Variants in OR2H2 observed in about 807,000 individuals in gnomAD.
The protein encoded by OR2H2 is olfactory receptor 2H2.
For missense variants in OR2H2, 295 were observed against 313.7 expected, an observed-to-expected ratio of 0.94 and a Z score of 0.45; for synonymous variants, 146 against 132.4, an observed-to-expected ratio of 1.10 and a Z score of -0.71.
intron 1 of OR2H2, among the ~76,000 whole-genome samples, chr6:29,586,488 A>G: frequency 1.3e-5 from 2 of 148,706 alleles, no homozygotes; most frequent in Admixed American, 6.7e-5. Flanking sequence ...GTGACTCTAA[A>G]AAAAAAAAAA....
rs551847604 is a variant in OR2H2, at chr6:29,589,765, A to G, written c.*882A>G. 31 of 152,358 alleles carry G rather than the reference A, an allele frequency of 2.0e-4. No homozygotes were observed. The highest frequency in any genetic ancestry group is 7.0e-4 in the African/African-American group (29 of 41,592). The allele number at this position is 152,358 out of a possible 1,614,324, so 9.4% of individuals were successfully genotyped here. On this transcript the variant is annotated 3_prime_UTR_variant, in exon 2 of 2. Transcript: ENST00000641840. ...TGTAATTGTTATGTTAACCCAAGTAACACTTAAAGTACAGATGCTCCTTGA... is the reference window on the plus strand; with the variant it reads ...TGTAATTGTTATGTTAACCCAAGTAGCACTTAAAGTACAGATGCTCCTTGA...
At chr6:29,585,789 G>T (rs1181695564) in intron 1 of OR2H2, among the ~76,000 whole-genome samples, 1 of 152,116 alleles carries the variant, frequency 6.6e-6, no homozygotes, top group African/African-American at 2.4e-5. Context: ...AATAATGAGA[G>T]TGGAAAAGAC....
intron 1 of OR2H2, 166 bp from the exon 2 acceptor site, chr6:29,587,504 C>T (rs1271024890): frequency 6.1e-6 from 1 of 164,756 alleles, no homozygotes; most frequent in African/African-American, 2.4e-5. Context: ...CCTACAGAGA[C>T]AACTTATCAG....
intron 1 of OR2H2, among the ~76,000 whole-genome samples, chr6:29,586,272 C>T (rs1760245151): frequency 6.6e-6 from 1 of 152,240 alleles, no homozygotes; most frequent in East Asian, 1.9e-4. Flanking sequence ...AGGCAGATCA[C>T]CTGAGGTCAG....
In OR2H2 at chr6:29,585,252, T is replaced by A. The variant is rs1205173246; in HGVS notation, c.-374T>A. 3 of 152,206 alleles carry A rather than the reference T, an allele frequency of 2.0e-5. No homozygotes were observed. Among genetic ancestry groups the A allele is most frequent in the African/African-American group, 7.2e-5 (3 of 41,448 alleles). The allele number at this position is 152,206 out of a possible 1,614,324, so 9.4% of individuals were successfully genotyped here. ...CAAGGATGCCCATTCCTTTTTATTT[T>A]TTTGTTTCTTCCTGATGTACAAGTG... On this transcript the variant is annotated 5_prime_UTR_variant, in exon 1 of 2. Coordinates refer to ENST00000641840, the MANE Select transcript of OR2H2 (RefSeq NM_007160.4).
At position 29,588,557 on chromosome 6, in the gene OR2H2, T is replaced by C. The variant is rs1292548539; in HGVS notation, c.613T>C (p.Leu205=). The part of the protein sequence containing the change: ...IQVAVASVFI[L]VVPLSLILVS... ...GGTGGCTGTTGCCAGTGTCTTCATCTTGGTTGTGCCTCTCAGCCTCATCCT... is the reference window on the plus strand; with the variant it reads ...GGTGGCTGTTGCCAGTGTCTTCATCCTGGTTGTGCCTCTCAGCCTCATCCT... Residue 205 remains leucine, a synonymous_variant, in exon 2 of 2, where the codon TTG becomes CTG. Transcript: ENST00000641840. 4.1e-6 allele frequency: 4 copies of C among 977,182 alleles called. No individual in the cohort carries two copies. 60.5% of individuals were successfully genotyped at this position (977,182 alleles called of 1,614,324 possible).
intron 1 of OR2H2, among the ~76,000 whole-genome samples, chr6:29,585,561 G>T (rs1175079360): frequency 6.6e-6 from 1 of 152,200 alleles, no homozygotes; most frequent in Non-Finnish European, 1.5e-5. Context: ...GTCACTGTGA[G>T]AACCAGATGT....
chr6:29,588,286 A>T lies in OR2H2; in HGVS notation c.342A>T (p.Thr114=), dbSNP rs553057448. The T allele has an allele frequency of 6.2e-7, 1 of 1,607,334 alleles. No individual in the cohort carries two copies. The highest frequency in any genetic ancestry group is 1.1e-5 in the South Asian group (1 of 90,966). The change falls in exon 2 of 2, where the codon ACA becomes ACT. Residue 114 remains threonine, a synonymous_variant. Coordinates refer to ENST00000641840, the MANE Select transcript of OR2H2 (RefSeq NM_007160.4). ...SLGTTECILL[T]VMAFDRYVAV... Reference sequence around the variant, plus strand: ...GGACAACTGAGTGCATCCTCTTGACAGTGATGGCTTTTGATCGCTACGTGG... The same window carrying T: ...GGACAACTGAGTGCATCCTCTTGACTGTGATGGCTTTTGATCGCTACGTGG...
rs762443204 is a variant in OR2H2 at position 29,588,461 on chromosome 6, G to C, written c.517G>C (p.Asp173His). ...GCCCTTCTGCCCCGATCGGCAGGTGGATGATTTTGTCTGTGAGGTCCCAGC... is the reference window on the plus strand; with the variant it reads ...GCCCTTCTGCCCCGATCGGCAGGTGCATGATTTTGTCTGTGAGGTCCCAGC... The part of the protein sequence containing the change: ...HLPFCPDRQV[D>H]DFVCEVPALI... Residue 173 changes from aspartate to histidine, a missense_variant, in exon 2 of 2, where the codon GAT becomes CAT. Physicochemically the swap from Asp to His is moderately conservative, Grantham distance 81. Transcript: ENST00000641840. 7.8e-7 allele frequency: 1 copy of C among 1,282,852 alleles called. No homozygotes were observed. The highest frequency in any genetic ancestry group is 2.3e-5 in the East Asian group (1 of 43,362). The allele number at this position is 1,282,852 out of a possible 1,614,324, so 79.5% of individuals were successfully genotyped here. A position where few individuals can be genotyped will look rare whatever the true frequency, so the allele number is the denominator to read the frequency against.
rs1182538595 is a variant in OR2H2 at position 29,588,731 on chromosome 6, C to A, written c.787C>A (p.Pro263Thr). 1 of 1,451,150 alleles carries A rather than the reference C, an allele frequency of 6.9e-7. No individual in the cohort carries two copies. Among genetic ancestry groups the A allele is most frequent in the South Asian group, 1.1e-5 (1 of 87,586 alleles). The allele number at this position is 1,451,150 out of a possible 1,614,324, so 89.9% of individuals were successfully genotyped here. ...VIAVYLQPKNPYAQERGKFFG... is the reference protein window; with the variant it reads ...VIAVYLQPKNTYAQERGKFFG... Reference sequence around the variant, plus strand: ...TGCTGTCTACCTCCAGCCCAAAAATCCCTATGCCCAAGAGAGGGGCAAGTT... The same window carrying A: ...TGCTGTCTACCTCCAGCCCAAAAATACCTATGCCCAAGAGAGGGGCAAGTT... Residue 263 changes from proline (P) to threonine (T), a missense_variant, in exon 2 of 2, where the codon CCC (proline) becomes ACC (threonine). By Grantham distance (38) the Pro-to-Thr change is conservative. Transcript: ENST00000641840.
rs760888350 is a variant in OR2H2 at position 29,588,039 on chromosome 6, C to A, written c.95C>A (p.Ser32Tyr). The A allele has an allele frequency of 1.0e-6, 1 of 984,066 alleles. No homozygotes were observed. The highest frequency in any genetic ancestry group is 1.6e-5 in the African/African-American group (1 of 64,062). The allele number at this position is 984,066 out of a possible 1,614,324, so 61.0% of individuals were successfully genotyped here. A position where few individuals can be genotyped will look rare whatever the true frequency, so the allele number is the denominator to read the frequency against. The change falls in exon 2 of 2, where the codon TCC becomes TAC. Residue 32 changes from serine to tyrosine, a missense_variant. Transcript: ENST00000641840. The part of the protein sequence containing the change: ...ERTLFVVVLT[S>Y]YLLTLVGNTL... ...ACTCTCTTCGTGGTTGTCCTCACTT[C>A]CTACCTCCTAACCCTAGTGGGCAAC...
intron 1 of OR2H2, among the ~76,000 whole-genome samples, chr6:29,587,186 T>C (rs1432995208): frequency 2.0e-5 from 3 of 152,194 alleles, no homozygotes; most frequent in Non-Finnish European, 4.4e-5. Context: ...CTGTGAACCC[T>C]GGTGATTTTA....
chr6:29,587,009 CCCTGATATACCCAA>C (rs1760308246), intron 1 of OR2H2, among the ~76,000 whole-genome samples: 1 of 152,204 alleles, frequency 6.6e-6, no homozygotes, highest in African/African-American at 2.4e-5. Context: ...AGGAAGCTTT[CCCTGATATACCCAA>C]CCAAATTGGT....
Position 29,588,530 on chromosome 6 carries a change from C to T in OR2H2, c.586C>T (p.Gln196Ter), listed in dbSNP as rs781159580. Residue 196 changes from glutamine to a stop codon, truncating the protein, a stop_gained, in exon 2 of 2, where the codon CAG becomes TAG. Transcript: ENST00000641840. LOFTEE classifies it low-confidence loss of function (END_TRUNC). ...TGAAGACACCTCCTACAATGAGATC[C>T]AGGTGGCTGTTGCCAGTGTCTTCAT... Reference protein sequence around the residue: ...SCEDTSYNEIQVAVASVFILV... With the variant: ...SCEDTSYNEI The T allele has an allele frequency of 6.3e-6, 6 of 955,338 alleles. No homozygotes were observed. The highest frequency in any genetic ancestry group is 1.6e-5 in the African/African-American group (1 of 62,368). The allele number at this position is 955,338 out of a possible 1,614,324, so 59.2% of individuals were successfully genotyped here. A position where few individuals can be genotyped will look rare whatever the true frequency, so the allele number is the denominator to read the frequency against.
chr6:29,588,540 T>C lies in OR2H2; in HGVS notation c.596T>C (p.Val199Ala). ...DTSYNEIQVA[V>A]ASVFILVVPL... ...TCCTACAATGAGATCCAGGTGGCTG[T>C]TGCCAGTGTCTTCATCTTGGTTGTG... The change falls in exon 2 of 2, where the codon GTT (valine) becomes GCT (alanine). Residue 199 changes from valine to alanine, a missense_variant. Physicochemically the swap from Val to Ala is moderately conservative, Grantham distance 64. Transcript: ENST00000641840. The C allele has an allele frequency of 2.1e-6, 2 of 959,574 alleles. No individual in the cohort carries two copies. Among genetic ancestry groups the C allele is most frequent in the Non-Finnish European group, 3.4e-6 (2 of 582,568 alleles). 59.4% of individuals were successfully genotyped at this position (959,574 alleles called of 1,614,324 possible).
chr6:29,587,640 T>C (rs953351267), intron 1 of OR2H2, 30 bp from the exon 2 acceptor site: 9 of 353,128 alleles, frequency 2.5e-5, no homozygotes, highest in Non-Finnish European at 4.1e-5. Flanking sequence ...TTAGTGCATA[T>C]TTTAATCAGC....
At chr6:29,587,432 C>A (rs1760340354) in intron 1 of OR2H2, 1 of 153,130 alleles carries the variant, frequency 6.5e-6, no homozygotes, top group Non-Finnish European at 1.5e-5. Flanking sequence ...TGAAAAAATA[C>A]AAAATAAATG....
Position 29,588,925 on chromosome 6 carries a change from T to C in OR2H2, c.*42T>C, listed in dbSNP as rs1473255426. 8 of 755,202 alleles carry C rather than the reference T, an allele frequency of 1.1e-5. No individual in the cohort carries two copies. Among genetic ancestry groups the C allele is most frequent in the South Asian group, 5.7e-5 (4 of 70,320 alleles). The allele number at this position is 755,202 out of a possible 1,614,324, so 46.8% of individuals were successfully genotyped here. ...GTGCTTTAAAAGAGAGGAGATTCTA[T>C]GTGCTTTTATCAGAAAGTTTGAGTT... is the stretch of plus-strand genomic sequence containing the variant. On this transcript the variant is annotated 3_prime_UTR_variant, in exon 2 of 2. Transcript: ENST00000641840.
In OR2H2 at chr6:29,587,925, G is replaced by C. The variant is rs1232358283; in HGVS notation, c.-20G>C. On this transcript the variant is annotated 5_prime_UTR_variant, in exon 2 of 2. Transcript: ENST00000641840. ...CTGGAGTGACAGCCTCATCCCTCCA[G>C]GTACAAACAAGAACAGGCCATGGTT... The C allele has an allele frequency of 1.3e-6, 1 of 796,466 alleles. No homozygotes were observed. The highest frequency in any genetic ancestry group is 2.3e-6 in the Non-Finnish European group (1 of 444,442). The allele number at this position is 796,466 out of a possible 1,614,324, so 49.3% of individuals were successfully genotyped here. A position where few individuals can be genotyped will look rare whatever the true frequency, so the allele number is the denominator to read the frequency against.
Sources: gnomAD v4.1 joint callset for allele counts (sites outside exome capture counted in the v4.1 genomes callset) on GRCh38, gnomAD v4.1.1 for gene constraint, MANE v1.5 for transcripts, NCBI Gene and HGNC (gene_info 2026-07-23, HGNC 2026-07-21) for gene names.